MYO3A: variants seen among roughly 807,000 people sequenced by gnomAD.
MYO3A encodes the protein myosin IIIA.
In MYO3A, 180 loss-of-function variants were observed where a neutral mutation model predicts 192.7. That is an observed-to-expected ratio of 0.93 (90% CI 0.83 to 1.06). The LOEUF (loss-of-function observed/expected upper bound fraction) is 1.06. Among genes scored for constraint, MYO3A ranks in the 50% least tolerant of loss-of-function variants. MYO3A has a pLI of 0.00. For synonymous variants in MYO3A, 628 were observed against 645.3 expected (o/e 0.97, Z 0.41); for missense variants, 1,896 against 1,905.0 (o/e 1.00, Z 0.09).
At chr10:26,006,837 T>C (rs1588758402) in intron 6 of MYO3A, among the ~76,000 whole-genome samples, 3 of 151,758 alleles carry the variant, frequency 2.0e-5, no homozygotes, top group African/African-American at 7.3e-5. Context: ...TCTGAAACTA[T>C]TCCAATGAAT....
intron 10 of MYO3A, among the ~76,000 whole-genome samples, chr10:26,043,187 G>A (rs1423004684): frequency 6.0e-5 from 5 of 82,774 alleles, no homozygotes; most frequent in Non-Finnish European, 2.8e-5. Flanking sequence ...CTCTCTCTCT[G>A]TTCTGAGCTA....
chr10:26,202,478 G>A (rs77507262), intron 33 of MYO3A, among the ~76,000 whole-genome samples: 2,776 of 152,282 alleles, frequency 0.018, 86 homozygotes, highest in African/African-American at 0.059. Context: ...AAATTAATCC[G>A]CTAAAGAACA....
At chr10:26,114,104 TCCACC>T (rs1357749008) in intron 17 of MYO3A, among the ~76,000 whole-genome samples, 9 of 151,132 alleles carry the variant, frequency 6.0e-5, no homozygotes, top group Admixed American at 1.3e-4. Context: ...CCAACCTCCC[TCCACC>T]CCAGCCTGCC....
intron 17 of MYO3A, among the ~76,000 whole-genome samples, chr10:26,109,834 A>G (rs1838051083): frequency 6.6e-6 from 1 of 152,212 alleles, no homozygotes; most frequent in Non-Finnish European, 1.5e-5. Flanking sequence ...TTCTAGAGGA[A>G]TTAATTGCTT....
At chr10:26,123,973 C>T (rs1272613077) in intron 18 of MYO3A, among the ~76,000 whole-genome samples, 1 of 151,792 alleles carries the variant, frequency 6.6e-6, no homozygotes, top group Admixed American at 6.6e-5. Flanking sequence ...TTCTTGATCC[C>T]AGGAGTTCGA....
At chr10:26,135,836 G>A (rs1034580321) in intron 20 of MYO3A, among the ~76,000 whole-genome samples, 12 of 151,620 alleles carry the variant, frequency 7.9e-5, no homozygotes, top group Admixed American at 2.0e-4. Context: ...CATGGTGGTG[G>A]GTGTCTAGAA....
chr10:25,996,824 A>G (rs1355303567), intron 5 of MYO3A, among the ~76,000 whole-genome samples: 1 of 152,174 alleles, frequency 6.6e-6, no homozygotes, highest in Admixed American at 6.5e-5. Flanking sequence ...TGTATTTCTG[A>G]GACTGTGATA....
intron 2 of MYO3A, among the ~76,000 whole-genome samples, chr10:25,942,723 C>T (rs1378819862): frequency 1.3e-5 from 2 of 150,614 alleles, no homozygotes; most frequent in Non-Finnish European, 3.0e-5. Flanking sequence ...TTCATATGCT[C>T]ATTGACCATT....
At chr10:26,049,568 A>G (rs1843846606) in intron 10 of MYO3A, among the ~76,000 whole-genome samples, 1 of 152,212 alleles carries the variant, frequency 6.6e-6, no homozygotes, top group African/African-American at 2.4e-5. Flanking sequence ...AGTGCACAGC[A>G]GAAAAGTTAG....
At chr10:26,031,687 A>G (rs915252960) in intron 10 of MYO3A, among the ~76,000 whole-genome samples, 5 of 152,186 alleles carry the variant, frequency 3.3e-5, no homozygotes, top group Non-Finnish European at 7.3e-5. Context: ...TATTTTAGAG[A>G]CAGGGTCTCA....
At position 26,066,750 on chromosome 10, in the gene MYO3A, A is replaced by G. The variant is rs3824706; in HGVS notation, c.954-225A>G. Among the ~76,000 whole-genome samples, 19,140 of 152,238 alleles carry G rather than the reference A, an allele frequency of 0.13. 1,639 individuals carry two copies. The highest frequency in any genetic ancestry group is 0.35 in the East Asian group (1,815 of 5,172). The stretch of plus-strand genomic sequence containing the variant: ...ATAAAGATAGTTCTTGAAGGAAATT[A>G]TGTACTCTTGATCATCCATGAAGTA... On this transcript the variant is annotated intron_variant, in intron 10 of 34. Transcript: ENST00000642920.
chr10:26,138,014 C>A (rs1219909417), intron 20 of MYO3A, among the ~76,000 whole-genome samples: 2 of 152,182 alleles, frequency 1.3e-5, no homozygotes, highest in African/African-American at 2.4e-5. Flanking sequence ...CTTTGTTGGA[C>A]CCTTATCAGG....
At chr10:26,018,312 ATC>A (rs911565332) in intron 7 of MYO3A, among the ~76,000 whole-genome samples, 3 of 151,978 alleles carry the variant, frequency 2.0e-5, no homozygotes, top group Non-Finnish European at 2.9e-5. Flanking sequence ...TATTATATTC[ATC>A]TCTCTGTAAT....
intron 20 of MYO3A, among the ~76,000 whole-genome samples, 197 bp from the exon 21 acceptor site, chr10:26,143,251 A>G (rs1333271544): frequency 6.6e-6 from 1 of 152,104 alleles, no homozygotes; most frequent in East Asian, 1.9e-4. Context: ...GAATTGCTTG[A>G]ACCTTGGAGG....
intron 2 of MYO3A, among the ~76,000 whole-genome samples, chr10:25,944,660 C>CT: frequency 6.6e-6 from 1 of 151,908 alleles, no homozygotes; most frequent in South Asian, 2.1e-4. Flanking sequence ...GGAATTTGTC[C>CT]ACTTCATCTA....
chr10:26,095,177 A>G (rs1472422119), intron 15 of MYO3A, among the ~76,000 whole-genome samples: 4 of 152,118 alleles, frequency 2.6e-5, no homozygotes, highest in African/African-American at 9.7e-5. Context: ...CCCAACCCCT[A>G]TGGTGGCATC....
At chr10:26,072,103 T>C (rs1231737579) in intron 14 of MYO3A, among the ~76,000 whole-genome samples, 1 of 152,112 alleles carries the variant, frequency 6.6e-6, no homozygotes, top group African/African-American at 2.4e-5. Flanking sequence ...CCAACACTTA[T>C]GAAACCATCA....
intron 34 of MYO3A, among the ~76,000 whole-genome samples, chr10:26,205,216 T>C (rs570449256): frequency 6.6e-6 from 1 of 152,326 alleles, no homozygotes; most frequent in South Asian, 2.1e-4. Context: ...TTGATCATGC[T>C]AATTAACATA....
intron 6 of MYO3A, among the ~76,000 whole-genome samples, chr10:26,013,098 A>G (rs568201413): frequency 3.3e-5 from 5 of 152,060 alleles, no homozygotes; most frequent in South Asian, 2.1e-4. Flanking sequence ...CTGGAACTCT[A>G]TCTCTCACCT....
Sources: allele counts gnomAD v4.1 joint callset (sites outside exome capture counted in the v4.1 genomes callset), GRCh38; gene constraint gnomAD v4.1.1; transcripts MANE v1.5; gene names NCBI Gene and HGNC (gene_info 2026-07-23, HGNC 2026-07-21).